Variants in SORCS3 observed in about 807,000 individuals in gnomAD.
The protein encoded by SORCS3 is sortilin related VPS10 domain containing receptor 3.
SORCS3 carries 57 observed loss-of-function variants against 146.3 expected under a neutral mutation model. That is an observed-to-expected ratio of 0.39 (90% CI 0.31 to 0.49). The LOEUF (loss-of-function observed/expected upper bound fraction) is 0.49. Among genes scored for constraint, SORCS3 ranks in the 20% least tolerant of loss-of-function variants. The probability of loss-of-function intolerance (pLI) is 0.92; values close to 1 mark genes in which losing one functional copy is unlikely to be tolerated. For synonymous variants in SORCS3, 653 were observed against 618.5 expected (o/e 1.06, Z -0.83); for missense variants, 1,341 against 1,575.5 (o/e 0.85, Z 2.52).
intron 1 of SORCS3, among the ~76,000 whole-genome samples, chr10:104,709,888 T>C (rs2016391824): frequency 6.6e-6 from 1 of 151,742 alleles, no homozygotes; most frequent in Non-Finnish European, 1.5e-5. Context: ...ACTCAGGCAG[T>C]GGTGTTGGTT....
At chr10:104,730,547 T>C (rs1426670221) in intron 1 of SORCS3, among the ~76,000 whole-genome samples, 1 of 152,246 alleles carries the variant, frequency 6.6e-6, no homozygotes, top group Non-Finnish European at 1.5e-5. Flanking sequence ...ACCTCCCGCT[T>C]TTCTCTCCAT....
rs200408993 is a variant in SORCS3, at chr10:105,157,242, T to C, written c.1587T>C (p.Ala529=). ...NKGRDWRLLQ[A]PDVDLRGSPV... ...GCAGGGATTGGCGCCTGCTGCAAGC[T>C]CCGGATGTGGACCTGAGAGGAAGCC... Residue 529 remains alanine (A), a synonymous_variant, in exon 10 of 27, where the codon GCT becomes GCC. Transcript: ENST00000369701. 1.9e-6 allele frequency: 3 copies of C among 1,614,008 alleles called. No individual in the cohort carries two copies. Among genetic ancestry groups the C allele is most frequent in the South Asian group, 2.2e-5 (2 of 91,076 alleles).
intron 17 of SORCS3, among the ~76,000 whole-genome samples, chr10:105,213,307 G>A (rs559294771): frequency 1.3e-5 from 2 of 152,326 alleles, no homozygotes; most frequent in Admixed American, 1.3e-4. Flanking sequence ...CAGGGAAAAT[G>A]TCAGGTATGA....
At chr10:105,058,014 C>T (rs1247982298) in intron 5 of SORCS3, among the ~76,000 whole-genome samples, 4 of 152,190 alleles carry the variant, frequency 2.6e-5, no homozygotes, top group Non-Finnish European at 2.9e-5. Flanking sequence ...CCTCTCATCT[C>T]CCCGCTGGAC....
chr10:104,711,573 C>G (rs1417354806), intron 1 of SORCS3, among the ~76,000 whole-genome samples: 1 of 152,244 alleles, frequency 6.6e-6, no homozygotes, highest in Non-Finnish European at 1.5e-5. Context: ...AGCAATCCAG[C>G]TCAGGCCACA....
intron 1 of SORCS3, among the ~76,000 whole-genome samples, chr10:104,752,711 T>C (rs2133470015): frequency 6.6e-6 from 1 of 152,310 alleles, no homozygotes; most frequent in African/African-American, 2.4e-5. Context: ...ATGGAATTCA[T>C]TACTCTCATC....
intron 1 of SORCS3, among the ~76,000 whole-genome samples, chr10:104,654,956 A>G (rs1374803066): frequency 6.6e-6 from 1 of 152,200 alleles, no homozygotes; most frequent in Non-Finnish European, 1.5e-5. Context: ...AACTCAACCA[A>G]AAGAAGTAGT....
chr10:105,242,832 A>ATATATATATTTT (rs1434838218), intron 20 of SORCS3, among the ~76,000 whole-genome samples: 2 of 60,608 alleles, frequency 3.3e-5, no homozygotes, highest in African/African-American at 1.2e-4. Context: ...TATATAAATT[A>ATATATATATTTT]TATATATATT....
intron 14 of SORCS3, among the ~76,000 whole-genome samples, chr10:105,188,198 TA>T (rs1482149923): frequency 2.0e-5 from 3 of 152,206 alleles, no homozygotes; most frequent in African/African-American, 7.2e-5. Flanking sequence ...CACAGAATAT[TA>T]AAAGCATTAC....
chr10:105,040,818 A>G (rs1160351458), intron 4 of SORCS3, among the ~76,000 whole-genome samples: 3 of 151,972 alleles, frequency 2.0e-5, no homozygotes, highest in Non-Finnish European at 4.4e-5. Flanking sequence ...CCCAGTTTAG[A>G]TAAATACTGT....
At chr10:104,750,697 T>C (rs1459577727) in intron 1 of SORCS3, among the ~76,000 whole-genome samples, 2 of 152,188 alleles carry the variant, frequency 1.3e-5, no homozygotes, top group Non-Finnish European at 2.9e-5. Flanking sequence ...GAACAAAATG[T>C]AGCAGGGATA....
chr10:105,115,327 C>T (rs1302940329), intron 7 of SORCS3, among the ~76,000 whole-genome samples: 1 of 152,142 alleles, frequency 6.6e-6, no homozygotes, highest in Non-Finnish European at 1.5e-5. Context: ...GCTTTGAACG[C>T]TACAAAGCCC....
intron 2 of SORCS3, among the ~76,000 whole-genome samples, chr10:104,844,671 C>T (rs2018183959): frequency 6.6e-6 from 1 of 152,078 alleles, no homozygotes; most frequent in South Asian, 2.1e-4. Context: ...TCTATTAGTT[C>T]CCCAGGGCTG....
intron 14 of SORCS3, among the ~76,000 whole-genome samples, chr10:105,197,983 T>A (rs2056553470): frequency 6.6e-6 from 1 of 152,114 alleles, no homozygotes; most frequent in African/African-American, 2.4e-5. Context: ...CACACCTCCC[T>A]CTTGGTTGAT....
At chr10:105,205,887 C>T (rs1194497891) in intron 16 of SORCS3, among the ~76,000 whole-genome samples, 1 of 152,116 alleles carries the variant, frequency 6.6e-6, no homozygotes, top group African/African-American at 2.4e-5. Context: ...GTAATTCACT[C>T]AGGATAATAT....
At position 105,058,579 on chromosome 10, in the gene SORCS3, G is replaced by T. The variant is rs186447245; in HGVS notation, c.1028+15451G>T. Reference sequence around the variant, plus strand: ...TCCAGAGCTGAAAGAAACTCAACAGGTTAGGGAGAAGAAAACACTTCATGG... The same window carrying T: ...TCCAGAGCTGAAAGAAACTCAACAGTTTAGGGAGAAGAAAACACTTCATGG... On this transcript the variant is annotated intron_variant, in intron 5 of 26. Coordinates refer to ENST00000369701, the MANE Select transcript of SORCS3 (RefSeq NM_014978.3). 3.3e-4 allele frequency among the ~76,000 whole-genome samples: 51 copies of T among 152,286 alleles called. No individual in the cohort carries two copies. The East Asian group carries it at 9.1e-3, about 27-fold the overall frequency.
chr10:104,949,703 T>G (rs1197502197), intron 3 of SORCS3, among the ~76,000 whole-genome samples: 1 of 152,232 alleles, frequency 6.6e-6, no homozygotes, highest in Admixed American at 6.5e-5. Flanking sequence ...CTTAAGTTAG[T>G]GTTCCTTTTA....
chr10:105,206,517 G>A (rs2056603715), intron 16 of SORCS3, among the ~76,000 whole-genome samples: 1 of 152,202 alleles, frequency 6.6e-6, no homozygotes, highest in African/African-American at 2.4e-5. Flanking sequence ...GCAGGAGGTA[G>A]TGGTGGGACT....
At chr10:105,181,775 C>A (rs968136574) in intron 14 of SORCS3, among the ~76,000 whole-genome samples, 61 of 152,302 alleles carry the variant, frequency 4.0e-4, no homozygotes, top group African/African-American at 1.2e-3. Context: ...GACTGACAAG[C>A]TGGAGGGCCT....
Sources: allele counts gnomAD v4.1 joint callset (sites outside exome capture counted in the v4.1 genomes callset), GRCh38; gene constraint gnomAD v4.1.1; transcripts MANE v1.5; gene names NCBI Gene and HGNC (gene_info 2026-07-23, HGNC 2026-07-21).